Variants in ATP10A observed in about 807,000 individuals in gnomAD.
The protein encoded by ATP10A is ATPase phospholipid transporting 10A (putative).
A neutral mutation model predicts 147.8 loss-of-function variants in ATP10A; 111 were observed. That is an observed-to-expected ratio of 0.75 (90% CI 0.64 to 0.88). The LOEUF is 0.88. Ranked by LOEUF, ATP10A falls within the 40% of genes least tolerant of loss-of-function variation. The pLI is 0.00. For synonymous variants in ATP10A, 875 were observed against 841.6 expected, an observed-to-expected ratio of 1.04 and a Z score of -0.69; for missense variants, 1,927 against 1,959.0, an observed-to-expected ratio of 0.98 and a Z score of 0.31.
At chr15:25,797,828 G>A (rs542106232) in intron 1 of ATP10A, among the ~76,000 whole-genome samples, 3 of 152,160 alleles carry the variant, frequency 2.0e-5, no homozygotes, top group Admixed American at 6.5e-5. Flanking sequence ...TACCCTCCAC[G>A]TGCCAGCACA....
intron 1 of ATP10A, among the ~76,000 whole-genome samples, chr15:25,860,795 T>A (rs1355501333): frequency 6.6e-6 from 1 of 152,148 alleles, no homozygotes; most frequent in Non-Finnish European, 1.5e-5. Context: ...ATCGGCAAGA[T>A]GGGTGTGATA....
At chr15:25,858,178 C>A (rs1463656313) in intron 1 of ATP10A, among the ~76,000 whole-genome samples, 1 of 152,318 alleles carries the variant, frequency 6.6e-6, no homozygotes, top group Non-Finnish European at 1.5e-5. Flanking sequence ...CCTAACCTAC[C>A]TACAGGGATG....
chr15:25,732,024 G>T (rs1886966713), intron 3 of ATP10A, among the ~76,000 whole-genome samples: 1 of 151,928 alleles, frequency 6.6e-6, no homozygotes, highest in Non-Finnish European at 1.5e-5. Flanking sequence ...CCCACACCAG[G>T]CTAATTTTTG....
chr15:25,782,314 G>C (rs1889963197), intron 1 of ATP10A, among the ~76,000 whole-genome samples: 1 of 152,168 alleles, frequency 6.6e-6, no homozygotes, highest in South Asian at 2.1e-4. Context: ...TGGGGTGATG[G>C]AAAAGTTTTG....
At chr15:25,801,953 C>A (rs763128483) in intron 1 of ATP10A, among the ~76,000 whole-genome samples, 1 of 152,158 alleles carries the variant, frequency 6.6e-6, no homozygotes, top group South Asian at 2.1e-4. Flanking sequence ...GTTCCAGAGC[C>A]GAGGATCTCA....
chr15:25,751,482 T>C (rs1172749303), intron 2 of ATP10A, among the ~76,000 whole-genome samples: 2 of 152,104 alleles, frequency 1.3e-5, no homozygotes, highest in East Asian at 3.8e-4. Flanking sequence ...CAAAAGCACA[T>C]AGAGCATTTA....
intron 1 of ATP10A, among the ~76,000 whole-genome samples, chr15:25,788,272 G>C (rs1596887872): frequency 6.6e-6 from 1 of 152,224 alleles, no homozygotes; most frequent in East Asian, 1.9e-4. Context: ...GGGTCACAAA[G>C]CCACGGTGCA....
chr15:25,824,676 AG>A (rs1392681540), intron 1 of ATP10A, among the ~76,000 whole-genome samples: 1 of 151,876 alleles, frequency 6.6e-6, no homozygotes, highest in African/African-American at 2.4e-5. Context: ...AAGCAGTGAG[AG>A]AGAACAATGG....
chr15:25,707,214 C>T (rs939806812), intron 12 of ATP10A, among the ~76,000 whole-genome samples: 6 of 152,116 alleles, frequency 3.9e-5, no homozygotes, highest in African/African-American at 1.4e-4. Context: ...ATATAGCTAT[C>T]CCAACTCCTC....
intron 10 of ATP10A, among the ~76,000 whole-genome samples, chr15:25,712,671 T>C (rs1415455902): frequency 2.0e-5 from 3 of 152,232 alleles, no homozygotes; most frequent in Non-Finnish European, 4.4e-5. Context: ...TTGGATTCTT[T>C]GCTGACTCCA....
intron 1 of ATP10A, among the ~76,000 whole-genome samples, chr15:25,803,223 G>A (rs1325114718): frequency 1.3e-5 from 2 of 152,126 alleles, no homozygotes; most frequent in Non-Finnish European, 2.9e-5. Context: ...TCCCTGTCTC[G>A]GGCACTTCCG....
rs570915095 is a variant in ATP10A, at chr15:25,745,603, C to G, written c.655-9462G>C. Among the ~76,000 whole-genome samples, 71 of 151,954 alleles carry G rather than the reference C, an allele frequency of 4.7e-4. 1 individual carries two copies. Among genetic ancestry groups the G allele is most frequent in the African/African-American group, 1.7e-3 (70 of 41,430 alleles). On this transcript the variant is annotated intron_variant, in intron 2 of 20. Transcript: ENST00000555815. Reference sequence around the variant, plus strand: ...GAAGGAAATTGGCCTGATGAAAGGACTAAGATGCAGGAAGAAATGAAAAGC... The same window carrying G: ...GAAGGAAATTGGCCTGATGAAAGGAGTAAGATGCAGGAAGAAATGAAAAGC...
intron 2 of ATP10A, among the ~76,000 whole-genome samples, chr15:25,774,134 T>C (rs1309557726): frequency 2.6e-5 from 4 of 152,228 alleles, no homozygotes; most frequent in Admixed American, 6.5e-5. Context: ...CTTACTGCTT[T>C]GGCTGTCTTT....
chr15:25,702,629 A>G (rs1056819806), intron 12 of ATP10A, among the ~76,000 whole-genome samples: 9 of 152,220 alleles, frequency 5.9e-5, no homozygotes, highest in African/African-American at 1.9e-4. Context: ...TGAAACCAAG[A>G]TTATCCTAAA....
In ATP10A at chr15:25,702,106, C is replaced by A; in HGVS notation, c.2576-6G>T. On this transcript the variant is annotated splice_region_variant and splice_polypyrimidine_tract_variant and intron_variant, in intron 12 of 20. Coordinates refer to ENST00000555815, the MANE Select transcript of ATP10A (RefSeq NM_024490.4). ...GTCTTCAATCCCAGTGGCACCTGGT[C>A]AAATGCACAGCAGTGTGAGCGAACC... 1.9e-6 allele frequency: 3 copies of A among 1,608,828 alleles called. No individual in the cohort carries two copies. The highest frequency in any genetic ancestry group is 2.2e-5 in the South Asian group (2 of 89,888).
At chr15:25,720,071 T>C (rs1902117645) in intron 7 of ATP10A, among the ~76,000 whole-genome samples, 1 of 152,202 alleles carries the variant, frequency 6.6e-6, no homozygotes, top group Non-Finnish European at 1.5e-5. Context: ...TCTGGTTTTA[T>C]GGTAGCATTT....
chr15:25,720,373 T>C (rs1319199670), intron 7 of ATP10A, among the ~76,000 whole-genome samples: 1 of 152,188 alleles, frequency 6.6e-6, no homozygotes, highest in Non-Finnish European at 1.5e-5. Flanking sequence ...TTTTATTGCC[T>C]CTGGTCACCT....
intron 2 of ATP10A, among the ~76,000 whole-genome samples, chr15:25,750,643 A>C (rs72705822): frequency 0.043 from 6,562 of 152,126 alleles, 196 homozygotes; most frequent in Non-Finnish European, 0.063. Flanking sequence ...TTATTACATA[A>C]ATCTCTGTAA....
intron 12 of ATP10A, among the ~76,000 whole-genome samples, chr15:25,703,614 G>C (rs759672437): frequency 3.3e-5 from 5 of 152,230 alleles, no homozygotes; most frequent in Non-Finnish European, 7.3e-5. Context: ...CTTCTAGAAT[G>C]ATGGGATGGC....
Sources: gnomAD v4.1 joint callset for allele counts (sites outside exome capture counted in the v4.1 genomes callset) on GRCh38, gnomAD v4.1.1 for gene constraint, MANE v1.5 for transcripts, NCBI Gene and HGNC (gene_info 2026-07-23, HGNC 2026-07-21) for gene names.